Variants in SYNE3 observed in about 807,000 individuals in gnomAD.
SYNE3 encodes the protein nesprin-3.
SYNE3 carries 100 observed loss-of-function variants against 111.2 expected under a neutral mutation model. The ratio of observed to expected loss-of-function variants is 0.90; its 90% CI spans 0.77 to 1.06. SYNE3 has a LOEUF of 1.06. SYNE3 is among the 50% of genes least tolerant of loss of function. SYNE3 has a pLI of 0.00. For missense variants in SYNE3, 1,160 were observed against 1,240.3 expected, an observed-to-expected ratio of 0.94 and a Z score of 0.97; for synonymous variants, 547 against 533.9, an observed-to-expected ratio of 1.02 and a Z score of -0.34.
chr14:95,443,207 T>C lies in SYNE3; in HGVS notation c.1859A>G (p.His620Arg). ...GTCGGAGGAAAGCTGGTCCATTTTGTGCTGGTGGTTGGGGTTCTCCTGGAC... is the reference window on the plus strand; with the variant it reads ...GTCGGAGGAAAGCTGGTCCATTTTGCGCTGGTGGTTGGGGTTCTCCTGGAC... ...PLVQENPNHQ[H>R]KMDQLSSDFQ... Residue 620 changes from histidine (H) to arginine (R), a missense_variant, in exon 11 of 18, where the codon CAC (histidine) becomes CGC (arginine). Physicochemically the swap from His to Arg is conservative, Grantham distance 29 (BLOSUM62 0). Transcript: ENST00000682763. 3 of 1,614,218 alleles carry C rather than the reference T, an allele frequency of 1.9e-6. No individual in the cohort carries two copies. Among genetic ancestry groups the C allele is most frequent in the Non-Finnish European group, 2.5e-6 (3 of 1,180,026 alleles).
intron 17 of SYNE3, among the ~76,000 whole-genome samples, chr14:95,431,256 A>G (rs1885746278): frequency 6.6e-6 from 1 of 152,208 alleles, no homozygotes; most frequent in South Asian, 2.1e-4. Flanking sequence ...CCAAGTCACA[A>G]CGTGGAAGTT....
chr14:95,452,112 G>C (rs377715573), intron 7 of SYNE3, 135 bp downstream of exon 7: 5 of 1,114,812 alleles, frequency 4.5e-6, no homozygotes, highest in African/African-American at 1.5e-5. Flanking sequence ...ACCTCTAAAA[G>C]CCAGTCATTG....
chr14:95,435,450 A>C (rs983871908), intron 15 of SYNE3, among the ~76,000 whole-genome samples: 4 of 152,178 alleles, frequency 2.6e-5, no homozygotes, highest in Non-Finnish European at 4.4e-5. Flanking sequence ...AGGATGAAAA[A>C]TACACAGGAG....
At chr14:95,471,832 T>A (rs1346625038) in intron 2 of SYNE3, among the ~76,000 whole-genome samples, 1 of 151,662 alleles carries the variant, frequency 6.6e-6, no homozygotes. Flanking sequence ...AAGGGGAAGG[T>A]GGGGATCGGA....
chr14:95,495,649 C>T (rs1338596710), intron 1 of SYNE3, among the ~76,000 whole-genome samples: 3 of 149,220 alleles, frequency 2.0e-5, no homozygotes, highest in Middle Eastern at 3.2e-3. Context: ...GACTGAGGCA[C>T]CAAGTCAGAA....
At chr14:95,482,475 C>A (rs1178113869) in intron 1 of SYNE3, among the ~76,000 whole-genome samples, 1 of 152,120 alleles carries the variant, frequency 6.6e-6, no homozygotes, top group East Asian at 1.9e-4. Context: ...TTTGAAAACA[C>A]TAATTCTTGT....
At chr14:95,463,972 T>C (rs961859069) in intron 4 of SYNE3, among the ~76,000 whole-genome samples, 2 of 152,220 alleles carry the variant, frequency 1.3e-5, no homozygotes, top group African/African-American at 4.8e-5. Context: ...ACAACCTGGG[T>C]GCAGGTCAGG....
chr14:95,494,384 A>C (rs1288426984), intron 1 of SYNE3, among the ~76,000 whole-genome samples: 1 of 152,214 alleles, frequency 6.6e-6, no homozygotes, highest in Non-Finnish European at 1.5e-5. Context: ...CAGGGTCTGA[A>C]TAAGATGAGA....
intron 16 of SYNE3, among the ~76,000 whole-genome samples, chr14:95,432,830 CA>C (rs1433231833): frequency 6.6e-6 from 1 of 152,060 alleles, no homozygotes; most frequent in African/African-American, 2.4e-5. Flanking sequence ...GGTGTGTCTG[CA>C]GGCTGGCTCT....
At chr14:95,466,631 G>A (rs1260630133) in intron 3 of SYNE3, among the ~76,000 whole-genome samples, 1 of 152,072 alleles carries the variant, frequency 6.6e-6, no homozygotes, top group Non-Finnish European at 1.5e-5. Flanking sequence ...TTTGGCACTG[G>A]GGCTCTAAAC....
In SYNE3 at chr14:95,455,718, C is replaced by T; in HGVS notation, c.796G>A (p.Ala266Thr). 6.2e-7 allele frequency: 1 copy of T among 1,613,904 alleles called. No individual in the cohort carries two copies. Among genetic ancestry groups the T allele is most frequent in the East Asian group, 2.2e-5 (1 of 44,886 alleles). Reference sequence around the variant, plus strand: ...TCCTCGCCCCTGGGAAAATCTTTGGCAATGTCCTGAAGAGGGTAGAGGGGT... The same window carrying T: ...TCCTCGCCCCTGGGAAAATCTTTGGTAATGTCCTGAAGAGGGTAGAGGGGT... ...TQRLSTLQDI[A>T]KDFPRGEESL... Residue 266 changes from alanine to threonine, a missense_variant, in exon 6 of 18, where the codon GCC (alanine) becomes ACC (threonine). Coordinates refer to ENST00000682763, the MANE Select transcript of SYNE3 (RefSeq NM_152592.6).
intron 1 of SYNE3, among the ~76,000 whole-genome samples, chr14:95,507,282 A>G (rs17092615): frequency 0.099 from 15,129 of 152,226 alleles, 933 homozygotes; most frequent in Non-Finnish European, 0.13. Flanking sequence ...GCATCTTCCT[A>G]GTTCGTGTCC....
intron 4 of SYNE3, among the ~76,000 whole-genome samples, chr14:95,461,355 G>C (rs930264386): frequency 1.3e-5 from 2 of 152,176 alleles, no homozygotes; most frequent in Non-Finnish European, 2.9e-5. Context: ...GACTAAATCG[G>C]GATTAAAAAC....
At chr14:95,463,209 CT>C (rs1566670572) in intron 4 of SYNE3, among the ~76,000 whole-genome samples, 1 of 152,016 alleles carries the variant, frequency 6.6e-6, no homozygotes, top group Non-Finnish European at 1.5e-5. Flanking sequence ...CATAAAAAGA[CT>C]GGGGGAGCAG....
At chr14:95,491,375 C>A (rs1214811150) in intron 1 of SYNE3, among the ~76,000 whole-genome samples, 2 of 152,188 alleles carry the variant, frequency 1.3e-5, no homozygotes, top group Admixed American at 1.3e-4. Context: ...TGAGAAGGAT[C>A]ATTCTATTTC....
At chr14:95,514,146 G>A (rs929232005) in intron 1 of SYNE3, among the ~76,000 whole-genome samples, 1 of 152,160 alleles carries the variant, frequency 6.6e-6, no homozygotes, top group Non-Finnish European at 1.5e-5. Context: ...CTGGGAAAGA[G>A]TCCCAGGGCA....
intron 1 of SYNE3, among the ~76,000 whole-genome samples, 196 bp from the exon 2 acceptor site, chr14:95,476,031 T>C (rs1208206604): frequency 1.3e-5 from 2 of 152,248 alleles, no homozygotes; most frequent in African/African-American, 4.8e-5. Flanking sequence ...GTCTGGCCTC[T>C]GGGAAAACTG....
intron 1 of SYNE3, among the ~76,000 whole-genome samples, chr14:95,477,330 A>T (rs964602590): frequency 1.3e-5 from 2 of 152,146 alleles, no homozygotes; most frequent in Admixed American, 6.5e-5. Context: ...TCTCCCTGGC[A>T]TTGGGGGAGA....
chr14:95,444,899 G>C (rs1886623760), intron 9 of SYNE3, among the ~76,000 whole-genome samples: 1 of 152,160 alleles, frequency 6.6e-6, no homozygotes, highest in African/African-American at 2.4e-5. Flanking sequence ...TCCCACCAGA[G>C]GCCTGTTTTT....
Sources: allele counts gnomAD v4.1 joint callset (sites outside exome capture counted in the v4.1 genomes callset), GRCh38; gene constraint gnomAD v4.1.1; transcripts MANE v1.5; gene names NCBI Gene and HGNC (gene_info 2026-07-23, HGNC 2026-07-21).